TTC27: variants seen among roughly 807,000 people sequenced by gnomAD.
TTC27 encodes tetratricopeptide repeat protein 27.
Under a neutral mutation model 115.9 loss-of-function variants are expected in TTC27, and 79 were observed. That is an observed-to-expected ratio of 0.68 (90% CI 0.57 to 0.82). The LOEUF is 0.82. Ranked by LOEUF, TTC27 falls within the 40% of genes least tolerant of loss-of-function variation. TTC27 has a pLI of 0.00. For missense variants in TTC27, 1,054 were observed against 993.1 expected (o/e 1.06, Z -0.82); for synonymous variants, 401 against 356.0 (o/e 1.13, Z -1.42).
chr2:32,719,034 T>A (rs901035084), intron 10 of TTC27, among the ~76,000 whole-genome samples: 1 of 152,144 alleles, frequency 6.6e-6, no homozygotes, highest in African/African-American at 2.4e-5. Context: ...GAGGAGCTGG[T>A]AGCAGGATCA....
intron 10 of TTC27, among the ~76,000 whole-genome samples, chr2:32,707,887 T>C (rs1667431751): frequency 1.3e-5 from 2 of 151,886 alleles, no homozygotes; most frequent in South Asian, 2.1e-4. Flanking sequence ...GGTTTTAGGA[T>C]TGGGGCAGCT....
intron 6 of TTC27, 30 bp from the exon 7 acceptor site, chr2:32,666,605 T>A: frequency 6.2e-7 from 1 of 1,611,390 alleles, no homozygotes; most frequent in Non-Finnish European, 8.5e-7. Flanking sequence ...CATGGGTAAG[T>A]CAGTAGATAT....
chr2:32,778,114 AGGT>A, intron 14 of TTC27, 134 bp downstream of exon 14: 8 of 679,270 alleles, frequency 1.2e-5, no homozygotes, highest in African/African-American at 3.6e-5. Context: ...TCGTACCTCA[AGGT>A]ATAGGATTTA....
chr2:32,639,931 G>A (rs961111017), intron 3 of TTC27, among the ~76,000 whole-genome samples: 1 of 152,148 alleles, frequency 6.6e-6, no homozygotes, highest in African/African-American at 2.4e-5. Context: ...CCCGGGAGAT[G>A]GAAGTTGCAG....
At chr2:32,763,898 C>G (rs1669530947) in intron 13 of TTC27, among the ~76,000 whole-genome samples, 1 of 152,068 alleles carries the variant, frequency 6.6e-6, no homozygotes, top group Non-Finnish European at 1.5e-5. Context: ...GAAATCTGAC[C>G]AAATCTCCCA....
intron 3 of TTC27, chr2:32,635,149 C>G (rs1280284696): frequency 6.6e-6 from 1 of 152,148 alleles, no homozygotes; most frequent in East Asian, 1.9e-4. Context: ...GTTTGAGTTC[C>G]TCAGGAATCT....
At chr2:32,667,245 G>T (rs1022572834) in intron 7 of TTC27, among the ~76,000 whole-genome samples, 30 of 151,428 alleles carry the variant, frequency 2.0e-4, no homozygotes, top group African/African-American at 6.3e-4. Flanking sequence ...TGTCATTATT[G>T]GGGGGGTGGT....
chr2:32,693,375 C>G (rs190352032), intron 9 of TTC27, among the ~76,000 whole-genome samples: 3 of 152,176 alleles, frequency 2.0e-5, no homozygotes, highest in Non-Finnish European at 4.4e-5. Flanking sequence ...TGGAATTTCT[C>G]CGGCTCCACC....
intron 9 of TTC27, among the ~76,000 whole-genome samples, chr2:32,697,340 A>G (rs2151898083): frequency 6.6e-6 from 1 of 152,312 alleles, no homozygotes; most frequent in East Asian, 1.9e-4. Context: ...TTAACCTCTC[A>G]ATATGTAAGA....
At chr2:32,729,649 C>T (rs1668225039) in intron 10 of TTC27, among the ~76,000 whole-genome samples, 1 of 152,110 alleles carries the variant, frequency 6.6e-6, no homozygotes, top group Non-Finnish European at 1.5e-5. Flanking sequence ...CATGAAGTCA[C>T]CTCTGGTATA....
chr2:32,712,226 A>G (rs1469522127), intron 10 of TTC27, among the ~76,000 whole-genome samples: 1 of 152,250 alleles, frequency 6.6e-6, no homozygotes, highest in Non-Finnish European at 1.5e-5. Context: ...TCACAACTAA[A>G]GGTAAATAAA....
chr2:32,782,515 G>A lies in TTC27; in HGVS notation c.1780-111G>A, dbSNP rs539674191. On this transcript the variant is annotated intron_variant, in intron 14 of 19. Coordinates refer to ENST00000317907, the MANE Select transcript of TTC27 (RefSeq NM_017735.5). Reference sequence around the variant, plus strand: ...TTTAAACACACTCTTATTGAAAATTGTGGTTTTAAAGAGCATATATTGGAC... The same window carrying A: ...TTTAAACACACTCTTATTGAAAATTATGGTTTTAAAGAGCATATATTGGAC... The A allele has an allele frequency of 5.4e-5, 39 of 717,672 alleles. No homozygotes were observed. In the African/African-American group the frequency reaches 6.5e-4, roughly 12 times the overall value. 44.5% of individuals were successfully genotyped at this position (717,672 alleles called of 1,614,324 possible).
At chr2:32,676,882 C>CAT (rs10664628) in intron 8 of TTC27, among the ~76,000 whole-genome samples, 10,685 of 150,832 alleles carry the variant, frequency 0.071, 427 homozygotes, top group East Asian at 0.13. Context: ...AATTACATTC[C>CAT]ATATATATAT....
chr2:32,708,304 G>GTTTTTTTTT lies in TTC27; in HGVS notation c.1233+5398_1233+5406dup, dbSNP rs1158508588. On this transcript the variant is annotated intron_variant, in intron 10 of 19. Coordinates refer to ENST00000317907, the MANE Select transcript of TTC27 (RefSeq NM_017735.5). The stretch of plus-strand genomic sequence containing the variant: ...AATAGCGTTTTCTTTTCTCTACCTT[G>GTTTTTTTTT]TTTTTTTTTTTTTTTTTTTTTTAAT... Among the ~76,000 whole-genome samples, 10 of 61,356 alleles carry GTTTTTTTTT rather than the reference G, an allele frequency of 1.6e-4. 1 individual carries two copies. Among genetic ancestry groups the GTTTTTTTTT allele is most frequent in the African/African-American group, 5.2e-4 (8 of 15,358 alleles). The allele number at this position is 61,356 out of a possible 152,430, so 40.3% of individuals were successfully genotyped here. A position where few individuals can be genotyped will look rare whatever the true frequency, so the allele number is the denominator to read the frequency against.
At chr2:32,786,848 G>T (rs1447364820) in intron 15 of TTC27, 136 bp from the exon 16 acceptor site, 1 of 751,246 alleles carries the variant, frequency 1.3e-6, no homozygotes, top group East Asian at 2.8e-5. Flanking sequence ...TGTGTTGTCT[G>T]GGTCTCTAAT....
intron 10 of TTC27, among the ~76,000 whole-genome samples, chr2:32,729,538 A>ATATT (rs10664975): frequency 0.19 from 28,686 of 152,094 alleles, 3,207 homozygotes; most frequent in South Asian, 0.36. Context: ...CTCAAAGGAC[A>ATATT]CTGAAAGTAT....
At chr2:32,746,724 A>G (rs1304194808) in intron 12 of TTC27, among the ~76,000 whole-genome samples, 1 of 152,126 alleles carries the variant, frequency 6.6e-6, no homozygotes, top group African/African-American at 2.4e-5. Flanking sequence ...TACTTTATTT[A>G]TGTTCACTGG....
At chr2:32,698,775 C>T (rs564908494) in intron 9 of TTC27, among the ~76,000 whole-genome samples, 5 of 152,216 alleles carry the variant, frequency 3.3e-5, no homozygotes, top group South Asian at 2.1e-4. Context: ...CCACTGCGCC[C>T]GGCCAAGGAA....
rs538687647 is a variant in TTC27 at position 32,813,910 on chromosome 2, G to A, written c.2308+1295G>A. Among the ~76,000 whole-genome samples, 22 of 152,288 alleles carry A rather than the reference G, an allele frequency of 1.4e-4. 1 individual carries two copies. The South Asian group carries it at 1.5e-3, about 10-fold the overall frequency. The stretch of plus-strand genomic sequence containing the variant: ...GTTGGGGGTAATTGCTAATAGAGCC[G>A]TAGAAGGATGTTTTGGGGGTGGTTA... On this transcript the variant is annotated intron_variant, in intron 18 of 19. Transcript: ENST00000317907.
Sources: allele counts gnomAD v4.1 joint callset (sites outside exome capture counted in the v4.1 genomes callset), GRCh38; gene constraint gnomAD v4.1.1; transcripts MANE v1.5; gene names NCBI Gene and HGNC (gene_info 2026-07-23, HGNC 2026-07-21).